Variants in BTAF1 observed in about 807,000 individuals in gnomAD.
The protein encoded by BTAF1 is TATA-binding protein-associated factor 172.
In BTAF1, 38 loss-of-function variants were observed where a neutral mutation model predicts 227.1. That is an observed-to-expected ratio of 0.17 (90% CI 0.13 to 0.22). The LOEUF (loss-of-function observed/expected upper bound fraction) is 0.22. Ranked by LOEUF, BTAF1 falls within the 10% of genes least tolerant of loss-of-function variation. The pLI, the probability that BTAF1 is intolerant of heterozygous loss-of-function variation, is 1.00. For missense variants in BTAF1, 1,598 were observed against 2,204.0 expected (o/e 0.73, Z 5.51); for synonymous variants, 742 against 751.9 (o/e 0.99, Z 0.21).
At chr10:92,019,113 A>G (rs1044993714) in intron 34 of BTAF1, among the ~76,000 whole-genome samples, 178 bp downstream of exon 34, 5 of 152,220 alleles carry the variant, frequency 3.3e-5, no homozygotes, top group African/African-American at 1.2e-4. Flanking sequence ...AAAATATGCC[A>G]TTTTAACCAT....
intron 32 of BTAF1, among the ~76,000 whole-genome samples, chr10:92,015,090 TC>T (rs1014682125): frequency 3.9e-5 from 6 of 152,212 alleles, no homozygotes; most frequent in African/African-American, 1.4e-4. Flanking sequence ...CCTCACTCAT[TC>T]CCTTTGAAGT....
intron 4 of BTAF1, among the ~76,000 whole-genome samples, chr10:91,948,699 TAAAA>T (rs11331302): frequency 7.0e-6 from 1 of 142,870 alleles, no homozygotes. Context: ...TCTTTTTTAT[TAAAA>T]AAAAAAAAAA....
At chr10:91,979,844 C>A (rs1046700359) in intron 14 of BTAF1, among the ~76,000 whole-genome samples, 1 of 152,030 alleles carries the variant, frequency 6.6e-6, no homozygotes, top group African/African-American at 2.4e-5. Flanking sequence ...TTTAGGAGAT[C>A]CCTGAACCTT....
chr10:91,996,705 T>A, intron 24 of BTAF1, 135 bp downstream of exon 24: 2 of 792,730 alleles, frequency 2.5e-6, no homozygotes, highest in Non-Finnish European at 3.8e-6. Context: ...TCTTTTTACA[T>A]CTTATTTTGA....
At chr10:91,976,868 A>G (rs1847735783) in intron 14 of BTAF1, among the ~76,000 whole-genome samples, 1 of 152,168 alleles carries the variant, frequency 6.6e-6, no homozygotes, top group Non-Finnish European at 1.5e-5. Flanking sequence ...TTAAAATAGG[A>G]GACTAGACAG....
At chr10:92,010,092 GA>G (rs548368734) in intron 28 of BTAF1, among the ~76,000 whole-genome samples, 1,518 of 150,394 alleles carry the variant, frequency 0.01, 24 homozygotes, top group African/African-American at 0.035. Flanking sequence ...GAGCAGGACT[GA>G]AAAAAAAACT....
At chr10:91,968,962 G>A (rs1242521713) in intron 14 of BTAF1, among the ~76,000 whole-genome samples, 2 of 151,302 alleles carry the variant, frequency 1.3e-5, no homozygotes, top group African/African-American at 4.9e-5. Flanking sequence ...GTGGGCTCAA[G>A]TGATCTTCCC....
chr10:91,946,739 A>G (rs1845392565), intron 4 of BTAF1, among the ~76,000 whole-genome samples: 1 of 152,076 alleles, frequency 6.6e-6, no homozygotes, highest in African/African-American at 2.4e-5. Flanking sequence ...CACGTTTTTC[A>G]TTGGGTTATT....
At chr10:91,995,586 G>A (rs542900987) in intron 23 of BTAF1, among the ~76,000 whole-genome samples, 43 of 151,788 alleles carry the variant, frequency 2.8e-4, no homozygotes, top group Admixed American at 1.2e-3. Flanking sequence ...TGAGGCAGGA[G>A]AATCACTGGA....
intron 25 of BTAF1, among the ~76,000 whole-genome samples, chr10:92,002,486 T>C (rs763053368): frequency 6.6e-6 from 1 of 152,202 alleles, no homozygotes; most frequent in Non-Finnish European, 1.5e-5. Context: ...TGTTAGGGAA[T>C]GGACCTAGTT....
intron 1 of BTAF1, among the ~76,000 whole-genome samples, chr10:91,928,647 G>A (rs1201129526): frequency 2.6e-5 from 4 of 151,696 alleles, no homozygotes; most frequent in Non-Finnish European, 5.9e-5. Context: ...TTGCTTTATG[G>A]GGCTTTTTCT....
chr10:92,026,843 G>T, intron 36 of BTAF1, 92 bp downstream of exon 36: 1 of 1,346,072 alleles, frequency 7.4e-7, no homozygotes, highest in Non-Finnish European at 1.0e-6. Context: ...TTCTTGCTCT[G>T]GTGTTAACAT....
chr10:91,940,621 A>G (rs568324454), intron 3 of BTAF1, among the ~76,000 whole-genome samples: 16 of 152,202 alleles, frequency 1.1e-4, no homozygotes, highest in African/African-American at 2.9e-4. Flanking sequence ...TTAATGGTAC[A>G]ACTAGATTCG....
intron 1 of BTAF1, among the ~76,000 whole-genome samples, chr10:91,934,319 C>T (rs1040122635): frequency 1.3e-5 from 2 of 152,034 alleles, no homozygotes; most frequent in Admixed American, 6.6e-5. Context: ...ATTACAACCT[C>T]TGCCTCCCGG....
Position 92,031,105 on chromosome 10 carries a change from A to G in BTAF1, c.*2172A>G, listed in dbSNP as rs1851870207. 6.6e-6 allele frequency among the ~76,000 whole-genome samples: 1 copy of G among 152,234 alleles called. No homozygotes were observed. Among genetic ancestry groups the G allele is most frequent in the South Asian group, 2.1e-4 (1 of 4,824 alleles). On this transcript the variant is annotated 3_prime_UTR_variant, in exon 38 of 38. Transcript: ENST00000265990. ...CTGGGAATTGGGTTCATAGATATCC[A>G]TTGTACTACTTCCCTTGGTTTTTGT... is the stretch of plus-strand genomic sequence containing the variant.
Position 92,030,118 on chromosome 10 carries a change from C to T in BTAF1, c.*1185C>T, listed in dbSNP as rs1851802347. 1 of 152,420 alleles carries T rather than the reference C, an allele frequency of 6.6e-6. No individual in the cohort carries two copies. Among genetic ancestry groups the T allele is most frequent in the Non-Finnish European group, 1.5e-5 (1 of 67,942 alleles). The allele number at this position is 152,420 out of a possible 1,614,324, so 9.4% of individuals were successfully genotyped here. A position where few individuals can be genotyped will look rare whatever the true frequency, so the allele number is the denominator to read the frequency against. ...TATATATGTACAGGTAATAAACATCCCCAAGGTTTGTGGCTGGCCATACAC... is the reference window on the plus strand; with the variant it reads ...TATATATGTACAGGTAATAAACATCTCCAAGGTTTGTGGCTGGCCATACAC... On this transcript the variant is annotated 3_prime_UTR_variant, in exon 38 of 38. Transcript: ENST00000265990.
chr10:91,971,850 A>G (rs1847327917), intron 14 of BTAF1, among the ~76,000 whole-genome samples: 1 of 150,796 alleles, frequency 6.6e-6, no homozygotes, highest in Non-Finnish European at 1.5e-5. Flanking sequence ...TTTTTTTTTT[A>G]ATGGAGAAAA....
At chr10:92,012,998 A>G (rs1044906357) in intron 30 of BTAF1, among the ~76,000 whole-genome samples, 7 of 152,156 alleles carry the variant, frequency 4.6e-5, no homozygotes, top group South Asian at 2.1e-4. Context: ...TACAAAAGCC[A>G]TGGTGGCCCA....
chr10:91,949,251 T>C (rs1482184168), intron 4 of BTAF1, among the ~76,000 whole-genome samples: 2 of 152,108 alleles, frequency 1.3e-5, no homozygotes, highest in African/African-American at 2.4e-5. Flanking sequence ...TGGACAAGGC[T>C]CCAGTGAGCT....
Sources: gnomAD v4.1 joint callset for allele counts (sites outside exome capture counted in the v4.1 genomes callset) on GRCh38, gnomAD v4.1.1 for gene constraint, MANE v1.5 for transcripts, NCBI Gene and HGNC (gene_info 2026-07-23, HGNC 2026-07-21) for gene names.